Variants in TBC1D24 observed in about 807,000 individuals in gnomAD.
TBC1D24 encodes Infantile myoclonic epilepsy.
Under a neutral mutation model 50.7 loss-of-function variants are expected in TBC1D24, and 47 were observed. The observed-to-expected ratio is 0.93, with a 90% CI of 0.73 to 1.18. The LOEUF is 1.18. TBC1D24 is among the 50% of genes most tolerant of loss of function. TBC1D24 has a pLI of 0.00. For synonymous variants in TBC1D24, 324 were observed against 335.2 expected, an observed-to-expected ratio of 0.97 and a Z score of 0.36; for missense variants, 688 against 766.5, an observed-to-expected ratio of 0.90 and a Z score of 1.21.
In TBC1D24 at chr16:2,500,029, A is replaced by G; in HGVS notation, c.1302+99A>G. 2.6e-6 allele frequency: 3 copies of G among 1,152,952 alleles called. No homozygotes were observed. The highest frequency in any genetic ancestry group is 1.2e-5 in the South Asian group (1 of 81,438). The allele number at this position is 1,152,952 out of a possible 1,614,324, so 71.4% of individuals were successfully genotyped here. Reference sequence around the variant, plus strand: ...CCTGGGGACACTGTTGGGTGTCGCCATGGCAGTCACCCAGCAGCGTCATCG... The same window carrying G: ...CCTGGGGACACTGTTGGGTGTCGCCGTGGCAGTCACCCAGCAGCGTCATCG... On this transcript the variant is annotated intron_variant, in intron 6 of 7. Transcript: ENST00000646147. This position sits in a 1 kb window ranked among gnomAD's most constrained non-coding sequence, Gnocchi z 8.0.
In TBC1D24 at chr16:2,505,296, C is replaced by T. The variant is rs572564180; in HGVS notation, c.*4338C>T. ...TGATTCATTGCTAAAAACAAAATGC[C>T]TCCCACAATTGCAGACTCACTCATT... On this transcript the variant is annotated 3_prime_UTR_variant, in exon 8 of 8. Coordinates refer to ENST00000646147, the MANE Select transcript of TBC1D24 (RefSeq NM_001199107.2). 5.9e-5 allele frequency: 9 copies of T among 152,276 alleles called. No homozygotes were observed. Among genetic ancestry groups the T allele is most frequent in the African/African-American group, 2.2e-4 (9 of 41,546 alleles). 9.4% of individuals were successfully genotyped at this position (152,276 alleles called of 1,614,324 possible). A position where few individuals can be genotyped will look rare whatever the true frequency, so the allele number is the denominator to read the frequency against.
In TBC1D24 at chr16:2,477,209, C is replaced by CA. The variant is rs1172191469; in HGVS notation, c.-116+2043dup. On this transcript the variant is annotated intron_variant, in intron 1 of 7. Coordinates refer to ENST00000646147, the MANE Select transcript of TBC1D24 (RefSeq NM_001199107.2). ...TCAATTGGAGATAAAATCAAAGAAA[C>CA]AAAACCTCAGGCTTTTTACTGAGGA... 3 of 152,294 alleles carry CA rather than the reference C, an allele frequency of 2.0e-5. No homozygotes were observed. In the East Asian group the frequency reaches 5.8e-4, roughly 29 times the overall value. The allele number at this position is 152,294 out of a possible 1,614,324, so 9.4% of individuals were successfully genotyped here.
Position 2,503,147 on chromosome 16 carries a change from C to T in TBC1D24, c.*2189C>T, listed in dbSNP as rs1036949377. ...GTGGCTGCCCCCAGGGGGCCCCACCCGGGCCTTCCAGTGATCTGGACCAGG... is the reference window on the plus strand; with the variant it reads ...GTGGCTGCCCCCAGGGGGCCCCACCTGGGCCTTCCAGTGATCTGGACCAGG... On this transcript the variant is annotated 3_prime_UTR_variant, in exon 8 of 8. Coordinates refer to ENST00000646147, the MANE Select transcript of TBC1D24 (RefSeq NM_001199107.2). The T allele has an allele frequency of 3.9e-5, 6 of 152,244 alleles. No individual in the cohort carries two copies. The highest frequency in any genetic ancestry group is 9.6e-5 in the African/African-American group (4 of 41,462). The allele number at this position is 152,244 out of a possible 1,614,324, so 9.4% of individuals were successfully genotyped here. A position where few individuals can be genotyped will look rare whatever the true frequency, so the allele number is the denominator to read the frequency against.
rs114604184 is a variant in TBC1D24 at position 2,486,395 on chromosome 16, G to C, written c.-115-9639G>C. Among the ~76,000 whole-genome samples the C allele has an allele frequency of 0.012, 1,793 of 152,366 alleles. 25 individuals carry two copies. The highest frequency in any genetic ancestry group is 0.035 in the African/African-American group (1,449 of 41,578). On this transcript the variant is annotated intron_variant, in intron 1 of 7. Coordinates refer to ENST00000646147, the MANE Select transcript of TBC1D24 (RefSeq NM_001199107.2). This position sits in a 1 kb window ranked among gnomAD's most constrained non-coding sequence, Gnocchi z 5.8. ...ATGGGAAGAAGTGAGACGAGCGGCA[G>C]CTGACGCCCATGCCCTGTTCTGTGG... is the stretch of plus-strand genomic sequence containing the variant.
rs778752013 is a variant in TBC1D24 at position 2,500,801 on chromosome 16, CAGGGGGAGG to C, written c.1527_1535del (p.Gly511_Gly513del). ...GGCCGCCACTGACCTGAGCATCCTG[CAGGGGGAGG>C]AGGCGGCCAGGCGCTCTACATCGAT... On this transcript the variant is annotated splice_acceptor_variant and coding_sequence_variant, in exon 8 of 8. Coordinates refer to ENST00000646147, the MANE Select transcript of TBC1D24 (RefSeq NM_001199107.2). LOFTEE classifies it high-confidence loss of function. The surrounding 1 kb of genome is among the most constrained non-coding windows in gnomAD (Gnocchi z 8.0). 1 of 1,602,530 alleles carries C rather than the reference CAGGGGGAGG, an allele frequency of 6.2e-7. No individual in the cohort carries two copies. Among genetic ancestry groups the C allele is most frequent in the Non-Finnish European group, 8.5e-7 (1 of 1,179,244 alleles).
rs1006938811 is a variant in TBC1D24, at chr16:2,487,591, CCTGGAGTTTGGTG to C, written c.-115-8433_-115-8421del. ...AGGCCTCGTGACTCAGGCTGTCAGG[CCTGGAGTTTGGTG>C]CTGGAGTTTTGTGCTGGAGTTTGGT... On this transcript the variant is annotated intron_variant, in intron 1 of 7. Transcript: ENST00000646147. The surrounding 1 kb of genome is among the most constrained non-coding windows in gnomAD (Gnocchi z 4.1). Among the ~76,000 whole-genome samples, 1 of 151,788 alleles carries C rather than the reference CCTGGAGTTTGGTG, an allele frequency of 6.6e-6. No individual in the cohort carries two copies. Among genetic ancestry groups the C allele is most frequent in the African/African-American group, 2.4e-5 (1 of 41,212 alleles).
chr16:2,501,048 A>T lies in TBC1D24; in HGVS notation c.*90A>T. 6.6e-7 allele frequency: 1 copy of T among 1,521,940 alleles called. No homozygotes were observed. Among genetic ancestry groups the T allele is most frequent in the South Asian group, 1.1e-5 (1 of 87,442 alleles). 94.3% of individuals were successfully genotyped at this position (1,521,940 alleles called of 1,614,324 possible). On this transcript the variant is annotated 3_prime_UTR_variant, in exon 8 of 8. Transcript: ENST00000646147. ...GCAGCAGAGAGCAGATGAAACCCCC[A>T]TGTGGTAGGCAGGGTTGGGGGACGG...
At position 2,492,204 on chromosome 16, in the gene TBC1D24, G is replaced by A. The variant is rs138983523; in HGVS notation, c.-115-3830G>A. 5.8e-4 allele frequency among the ~76,000 whole-genome samples: 88 copies of A among 152,148 alleles called. No individual in the cohort carries two copies. In the East Asian group the frequency reaches 0.013, roughly 22 times the overall value. On this transcript the variant is annotated intron_variant, in intron 1 of 7. Coordinates refer to ENST00000646147, the MANE Select transcript of TBC1D24 (RefSeq NM_001199107.2). ...TTGTGTGCACAGCCCCAGAAATGTC[G>A]TGCGCTCTTTTTGAGTGAGGGTTTG...
rs770107050 is a variant in TBC1D24, at chr16:2,496,767, C to T, written c.619C>T (p.Gln207Ter). The T allele has an allele frequency of 7.4e-6, 12 of 1,613,884 alleles. No individual in the cohort carries two copies. Among genetic ancestry groups the T allele is most frequent in the Admixed American group, 1.7e-5 (1 of 60,010 alleles). The change falls in exon 2 of 8, where the codon CAG becomes TAG. Residue 207 changes from glutamine to a stop codon, truncating the protein, a stop_gained. Transcript: ENST00000646147. LOFTEE classifies it high-confidence loss of function. ...LMVAVSEDVL[Q>*]VYADWQRWLF... ...GGTGGCCGTGTCGGAGGATGTCCTG[C>T]AGGTCTATGCGGACTGGCAGCGCTG...
chr16:2,498,780 GCC>G (rs1367712267), intron 4 of TBC1D24, among the ~76,000 whole-genome samples: 1 of 152,228 alleles, frequency 6.6e-6, no homozygotes, highest in Non-Finnish European at 1.5e-5. Flanking sequence ...GGGTGGTGCT[GCC>G]AGGTGCAGCC....
Position 2,487,043 on chromosome 16 carries a change from A to G in TBC1D24, c.-115-8991A>G, listed in dbSNP as rs945492782. ...AGATCTGATCGGGTCACCTGCCTAG[A>G]CTTTCCTCCTACCCCGTGTGGGGAC... On this transcript the variant is annotated intron_variant, in intron 1 of 7. Coordinates refer to ENST00000646147, the MANE Select transcript of TBC1D24 (RefSeq NM_001199107.2). This position sits in a 1 kb window ranked among gnomAD's most constrained non-coding sequence, Gnocchi z 4.1. Among the ~76,000 whole-genome samples the G allele has an allele frequency of 4.6e-5, 7 of 152,000 alleles. No individual in the cohort carries two copies. The highest frequency in any genetic ancestry group is 1.2e-4 in the African/African-American group (5 of 41,314).
chr16:2,481,449 C>G (rs1439190365), intron 1 of TBC1D24: 1 of 152,228 alleles, frequency 6.6e-6, no homozygotes, highest in African/African-American at 2.4e-5. Flanking sequence ...TGGATCTCTC[C>G]TTAGGTCTAA....
In TBC1D24 at chr16:2,500,192, G is replaced by A. The variant is rs995536868; in HGVS notation, c.1303-76G>A. 10 of 1,394,130 alleles carry A rather than the reference G, an allele frequency of 7.2e-6. No homozygotes were observed. The African/African-American group carries it at 1.1e-4, about 16-fold the overall frequency. The allele number at this position is 1,394,130 out of a possible 1,614,324, so 86.4% of individuals were successfully genotyped here. On this transcript the variant is annotated intron_variant, in intron 6 of 7. Transcript: ENST00000646147. The surrounding 1 kb of genome is among the most constrained non-coding windows in gnomAD (Gnocchi z 8.0). ...GGCTCTGGGTGCAGATTCACGGGAT[G>A]AAACGGGTTGTGGCTCTGGGGCAGA... is the stretch of plus-strand genomic sequence containing the variant.
rs541105690 is a variant in TBC1D24 at position 2,497,393 on chromosome 16, T to A, written c.965+280T>A. On this transcript the variant is annotated intron_variant, in intron 2 of 7. Coordinates refer to ENST00000646147, the MANE Select transcript of TBC1D24 (RefSeq NM_001199107.2). Reference sequence around the variant, plus strand: ...AGGCATCGTGGGAGGCCAGGCCCACTCCCAGGGTCATTTCAGGGCAGCCTC... The same window carrying A: ...AGGCATCGTGGGAGGCCAGGCCCACACCCAGGGTCATTTCAGGGCAGCCTC... Among the ~76,000 whole-genome samples the A allele has an allele frequency of 3.3e-3, 500 of 152,318 alleles. 4 individuals are homozygous for A. Among genetic ancestry groups the A allele is most frequent in the African/African-American group, 0.011 (475 of 41,568 alleles).
At chr16:2,490,053 G>A (rs956123009) in intron 1 of TBC1D24, among the ~76,000 whole-genome samples, 9 of 152,148 alleles carry the variant, frequency 5.9e-5, no homozygotes, top group Non-Finnish European at 1.0e-4. Context: ...CAGCAATCCC[G>A]GCTGCTTCTT....
In TBC1D24 at chr16:2,486,047, C is replaced by T. The variant is rs1015357001; in HGVS notation, c.-115-9987C>T. ...GCCTGTGCTGCCCTCCCCTGCCTGGCGGGTGGGGTCGGTGCTCAGGAGCGG... is the reference window on the plus strand; with the variant it reads ...GCCTGTGCTGCCCTCCCCTGCCTGGTGGGTGGGGTCGGTGCTCAGGAGCGG... On this transcript the variant is annotated intron_variant, in intron 1 of 7. Transcript: ENST00000646147. The surrounding 1 kb of genome is among the most constrained non-coding windows in gnomAD (Gnocchi z 5.8). 6.6e-6 allele frequency among the ~76,000 whole-genome samples: 1 copy of T among 152,190 alleles called. No homozygotes were observed. Among genetic ancestry groups the T allele is most frequent in the Non-Finnish European group, 1.5e-5 (1 of 68,028 alleles).
In TBC1D24 at chr16:2,487,675, G is replaced by C. The variant is rs181645341; in HGVS notation, c.-115-8359G>C. On this transcript the variant is annotated intron_variant, in intron 1 of 7. Coordinates refer to ENST00000646147, the MANE Select transcript of TBC1D24 (RefSeq NM_001199107.2). The surrounding 1 kb of genome is among the most constrained non-coding windows in gnomAD (Gnocchi z 4.1). ...TTTGGTGCTGGAGTTTGGTGCTGGA[G>C]TTTGGTGCTGGAGTTTGGTGCTGGA... Among the ~76,000 whole-genome samples the C allele has an allele frequency of 4.8e-4, 73 of 152,152 alleles. No homozygotes were observed. The highest frequency in any genetic ancestry group is 1.7e-3 in the South Asian group (8 of 4,810).
rs531031570 is a variant in TBC1D24, at chr16:2,487,813, G to C, written c.-115-8221G>C. Among the ~76,000 whole-genome samples the C allele has an allele frequency of 1.3e-5, 2 of 152,250 alleles. No individual in the cohort carries two copies. Among genetic ancestry groups the C allele is most frequent in the South Asian group, 4.1e-4 (2 of 4,826 alleles). On this transcript the variant is annotated intron_variant, in intron 1 of 7. Transcript: ENST00000646147. This position sits in a 1 kb window ranked among gnomAD's most constrained non-coding sequence, Gnocchi z 4.1. ...TGGGAGGGCCCTGGTACTAGAAGTG[G>C]CCGAGTGCCCTGAAGTCCCAGACCT...
In TBC1D24 at chr16:2,499,849, C is replaced by CCTGT; in HGVS notation, c.1223_1226dup (p.Thr410ValfsTer6). On this transcript the variant is annotated frameshift_variant, in exon 6 of 8. Coordinates refer to ENST00000646147, the MANE Select transcript of TBC1D24 (RefSeq NM_001199107.2). LOFTEE classifies it high-confidence loss of function. This position sits in a 1 kb window ranked among gnomAD's most constrained non-coding sequence, Gnocchi z 4.0. ...CTTTCCCCCAGGTGTGTGGTGCTTACCTGTCCACAGACTGGAGTGAGAGAA... is the reference window on the plus strand; with the variant it reads ...CTTTCCCCCAGGTGTGTGGTGCTTACCTGTCTGTCCACAGACTGGAGTGAGAGAA... 1 of 1,614,034 alleles carries CCTGT rather than the reference C, an allele frequency of 6.2e-7. No individual in the cohort carries two copies. Among genetic ancestry groups the CCTGT allele is most frequent in the Non-Finnish European group, 8.5e-7 (1 of 1,179,956 alleles).
Sources: gnomAD v4.1 joint callset for allele counts (sites outside exome capture counted in the v4.1 genomes callset) on GRCh38, gnomAD v4.1.1 for gene constraint, Gnocchi (gnomAD v3.1) non-coding constraint, MANE v1.5 for transcripts, NCBI Gene and HGNC (gene_info 2026-07-23, HGNC 2026-07-21) for gene names.